DEFB131B: variants seen among roughly 807,000 people sequenced by gnomAD.
DEFB131B encodes the protein defensin beta 131B.
DEFB131B carries 2 observed loss-of-function variants against 2.1 expected under a neutral mutation model. That is an observed-to-expected ratio of 0.94 (90% CI 0.38 to 2.95). The LOEUF (loss-of-function observed/expected upper bound fraction) is 2.95. Among genes scored for constraint, DEFB131B ranks in the 30% most tolerant of loss-of-function variants. The probability of loss-of-function intolerance (pLI) is 0.09; values close to 1 mark genes in which losing one functional copy is unlikely to be tolerated. For missense variants in DEFB131B, 77 were observed against 78.5 expected, an observed-to-expected ratio of 0.98 and a Z score of 0.07; for synonymous variants, 26 against 25.8, an observed-to-expected ratio of 1.01 and a Z score of -0.03.
At chr11:71,883,499 T>C (rs1324552704) in intron 1 of DEFB131B, among the ~76,000 whole-genome samples, 2 of 152,060 alleles carry the variant, frequency 1.3e-5, no homozygotes, top group Non-Finnish European at 2.9e-5. Context: ...GAAAAGATGG[T>C]TTCTTCAATA....
Position 71,884,548 on chromosome 11 carries a change from A to G in DEFB131B, c.200A>G (p.Gln67Arg). The change falls in exon 2 of 2, where the codon CAA becomes CGA. Residue 67 changes from glutamine (Q) to arginine (R), a missense_variant. By Grantham distance (43) the Gln-to-Arg change is conservative. Transcript: ENST00000530210. ...CTGAAGATCATTCAAATTGATGGAC[A>G]AAAGAAGTGGTGAAAATTCTAACTC... ...CKLKIIQIDG[Q>R]KKW is the part of the protein sequence containing the mutation. 2 of 1,605,156 alleles carry G rather than the reference A, an allele frequency of 1.2e-6. No individual in the cohort carries two copies. Among genetic ancestry groups the G allele is most frequent in the African/African-American group, 1.3e-5 (1 of 74,782 alleles).
intron 1 of DEFB131B, among the ~76,000 whole-genome samples, chr11:71,880,963 TGAG>T (rs1350476406): frequency 3.3e-5 from 5 of 152,254 alleles, no homozygotes; most frequent in Non-Finnish European, 5.9e-5. Context: ...TTCTGTGTGA[TGAG>T]GAGAAGAATG....
chr11:71,882,178 A>G (rs1397970210), intron 1 of DEFB131B, among the ~76,000 whole-genome samples: 3 of 152,004 alleles, frequency 2.0e-5, no homozygotes, highest in African/African-American at 7.3e-5. Flanking sequence ...AAACCACATA[A>G]GCAAAAAGAG....
intron 1 of DEFB131B, among the ~76,000 whole-genome samples, chr11:71,879,113 G>A (rs1366234359): frequency 3.9e-5 from 6 of 152,252 alleles, no homozygotes; most frequent in East Asian, 3.9e-4. Context: ...AATGAAAAGC[G>A]AATGAAGACT....
intron 1 of DEFB131B, among the ~76,000 whole-genome samples, chr11:71,879,466 T>C (rs200550536): frequency 0.021 from 2,291 of 111,188 alleles, no homozygotes; most frequent in Non-Finnish European, 0.029. Context: ...GGTTGACTTA[T>C]TGATCATTTC....
chr11:71,881,459 A>G (rs1444464564), intron 1 of DEFB131B, among the ~76,000 whole-genome samples: 1 of 152,140 alleles, frequency 6.6e-6, no homozygotes, highest in Non-Finnish European at 1.5e-5. Flanking sequence ...ACGTCAGCAC[A>G]TTTGGTTTCT....
At position 71,883,536 on chromosome 11, in the gene DEFB131B, A is replaced by G. The variant is rs541855031; in HGVS notation, c.59-871A>G. ...GTGGTACTAAGAAAACTGAATATTCATATGCAAAAGAATAAAACTGGGCCT... is the reference window on the plus strand; with the variant it reads ...GTGGTACTAAGAAAACTGAATATTCGTATGCAAAAGAATAAAACTGGGCCT... On this transcript the variant is annotated intron_variant, in intron 1 of 1. Coordinates refer to ENST00000530210, the MANE Select transcript of DEFB131B (RefSeq NM_001242853.1). Among the ~76,000 whole-genome samples the G allele has an allele frequency of 2.6e-4, 40 of 152,312 alleles. No individual in the cohort carries two copies. The East Asian group carries it at 6.7e-3, about 26-fold the overall frequency.
chr11:71,882,971 G>A (rs1348082183), intron 1 of DEFB131B, among the ~76,000 whole-genome samples: 2 of 152,024 alleles, frequency 1.3e-5, no homozygotes, highest in Admixed American at 6.5e-5. Flanking sequence ...CAACTGGAAA[G>A]CAAGTAAAGA....
At chr11:71,881,596 G>A (rs1162705913) in intron 1 of DEFB131B, among the ~76,000 whole-genome samples, 1 of 151,726 alleles carries the variant, frequency 6.6e-6, no homozygotes, top group African/African-American at 2.4e-5. Flanking sequence ...ATTGCACGAG[G>A]GCCATACCCT....
chr11:71,883,191 A>G (rs1952585831), intron 1 of DEFB131B, among the ~76,000 whole-genome samples: 1 of 152,172 alleles, frequency 6.6e-6, no homozygotes. Flanking sequence ...TAGATTATAT[A>G]CAATCCCTAT....
At chr11:71,883,539 T>C (rs1024061179) in intron 1 of DEFB131B, among the ~76,000 whole-genome samples, 2 of 152,162 alleles carry the variant, frequency 1.3e-5, no homozygotes, top group African/African-American at 4.8e-5. Flanking sequence ...AATATTCATA[T>C]GCAAAAGAAT....
At chr11:71,883,457 C>T (rs1211573130) in intron 1 of DEFB131B, among the ~76,000 whole-genome samples, 1 of 152,114 alleles carries the variant, frequency 6.6e-6, no homozygotes, top group Non-Finnish European at 1.5e-5. Flanking sequence ...GTCAACTGGC[C>T]TTCAACAAAC....
chr11:71,880,249 T>C (rs1175598148), intron 1 of DEFB131B, among the ~76,000 whole-genome samples: 1 of 152,146 alleles, frequency 6.6e-6, no homozygotes, highest in East Asian at 1.9e-4. Flanking sequence ...TTTGGGAAAG[T>C]TAGATTGATT....
chr11:71,881,981 C>T lies in DEFB131B; in HGVS notation c.59-2426C>T, dbSNP rs570650687. Among the ~76,000 whole-genome samples the T allele has an allele frequency of 2.8e-4, 42 of 151,722 alleles. No homozygotes were observed. The South Asian group carries it at 8.3e-3, about 30-fold the overall frequency. ...AGATTTTCCCAAAATTGAAAATAAACAAAATCTACATATCTAGGAAGCTGA... is the reference window on the plus strand; with the variant it reads ...AGATTTTCCCAAAATTGAAAATAAATAAAATCTACATATCTAGGAAGCTGA... On this transcript the variant is annotated intron_variant, in intron 1 of 1. Coordinates refer to ENST00000530210, the MANE Select transcript of DEFB131B (RefSeq NM_001242853.1).
intron 1 of DEFB131B, among the ~76,000 whole-genome samples, chr11:71,881,803 T>C (rs1952564758): frequency 2.0e-5 from 3 of 151,970 alleles, no homozygotes; most frequent in Non-Finnish European, 4.4e-5. Flanking sequence ...AAATAGCAAC[T>C]TCCAAAACTT....
chr11:71,883,394 T>C (rs112228240), intron 1 of DEFB131B, among the ~76,000 whole-genome samples: 6,837 of 152,216 alleles, frequency 0.045, 521 homozygotes, highest in African/African-American at 0.16. Context: ...AAGATAGACA[T>C]ATAGGCCACT....
At chr11:71,880,741 T>G (rs1178967466) in intron 1 of DEFB131B, among the ~76,000 whole-genome samples, 1 of 152,214 alleles carries the variant, frequency 6.6e-6, no homozygotes, top group African/African-American at 2.4e-5. Context: ...GAACATTTGT[T>G]ATTTTCTTCT....
At chr11:71,881,835 A>T (rs970519962) in intron 1 of DEFB131B, among the ~76,000 whole-genome samples, 2 of 152,186 alleles carry the variant, frequency 1.3e-5, no homozygotes, top group African/African-American at 4.8e-5. Flanking sequence ...AAAAAGAATT[A>T]AAAAGAACAG....
intron 1 of DEFB131B, among the ~76,000 whole-genome samples, chr11:71,882,588 T>C (rs1321356183): frequency 3.3e-5 from 5 of 152,204 alleles, no homozygotes; most frequent in Non-Finnish European, 7.3e-5. Flanking sequence ...AAATAGAGTT[T>C]GTCACCAGTA....
Sources: gnomAD v4.1 joint callset for allele counts (sites outside exome capture counted in the v4.1 genomes callset) on GRCh38, gnomAD v4.1.1 for gene constraint, MANE v1.5 for transcripts, NCBI Gene and HGNC (gene_info 2026-07-23, HGNC 2026-07-21) for gene names.